Variants in CHDH observed in about 807,000 individuals in gnomAD.
CHDH encodes choline dehydrogenase, also known as choline dehydrogenase, mitochondrial.
Under a neutral mutation model 56.9 loss-of-function variants are expected in CHDH, and 43 were observed. The observed-to-expected ratio is 0.76, with a 90% CI of 0.59 to 0.97. The LOEUF is 0.97. CHDH is among the 50% of genes least tolerant of loss of function. CHDH has a pLI of 0.00. For synonymous variants in CHDH, 364 were observed against 348.5 expected (o/e 1.04, Z -0.50); for missense variants, 816 against 821.1 (o/e 0.99, Z 0.08).
At position 53,823,794 on chromosome 3, in the gene CHDH, G is replaced by T; in HGVS notation, c.215C>A (p.Ala72Asp). The part of the protein sequence containing the change: ...DPAERVLLLE[A>D]GPKDVLAGSK... ...CCCCGCGAGCACGTCCTTGGGCCCG[G>T]CCTCCAGCAGCAGCACGCGCTCGGC... The change falls in exon 3 of 9, where the codon GCC becomes GAC. Residue 72 changes from alanine (A) to aspartate (D), a missense_variant. Coordinates refer to ENST00000315251, the MANE Select transcript of CHDH (RefSeq NM_018397.5). 1.3e-6 allele frequency: 2 copies of T among 1,578,038 alleles called. No homozygotes were observed. The highest frequency in any genetic ancestry group is 2.3e-5 in the East Asian group (1 of 42,792).
Position 53,835,382 on chromosome 3 carries a change from G to A in CHDH, c.-60+5547C>T, listed in dbSNP as rs115930025. ...AGTTACTTTACAGCCCTGAATCTTG[G>A]CACCCTGAAGTCAGCACTGCCCCAG... On this transcript the variant is annotated intron_variant, in intron 2 of 8. Transcript: ENST00000315251. Among the ~76,000 whole-genome samples the A allele has an allele frequency of 1.2e-3, 185 of 152,324 alleles. 1 individual carries two copies. Among genetic ancestry groups the A allele is most frequent in the African/African-American group, 4.2e-3 (175 of 41,564 alleles).
In CHDH at chr3:53,820,469, C is replaced by T; in HGVS notation, c.1120+5G>A. 6.2e-7 allele frequency: 1 copy of T among 1,608,604 alleles called. No individual in the cohort carries two copies. On this transcript the variant is annotated splice_donor_5th_base_variant and intron_variant, in intron 6 of 8. Coordinates refer to ENST00000315251, the MANE Select transcript of CHDH (RefSeq NM_018397.5). ...TCCTCCCAGGTTACTGGTAAGCGTG[C>T]TCACCTGTGAATTTCCAGAGCCACT...
At chr3:53,838,522 C>T (rs546378452) in intron 2 of CHDH, among the ~76,000 whole-genome samples, 278 of 152,258 alleles carry the variant, frequency 1.8e-3, no homozygotes, top group Non-Finnish European at 3.1e-3. Context: ...AGAGGCAGAC[C>T]GAGGGGATAG....
intron 2 of CHDH, among the ~76,000 whole-genome samples, chr3:53,838,467 C>T (rs1315749206): frequency 6.6e-6 from 1 of 152,084 alleles, no homozygotes; most frequent in Admixed American, 6.5e-5. Flanking sequence ...CAGAGGGCCT[C>T]GGGTGAAAGT....
At chr3:53,828,857 A>G (rs79304253) in intron 2 of CHDH, among the ~76,000 whole-genome samples, 8,254 of 152,290 alleles carry the variant, frequency 0.054, 630 homozygotes, top group African/African-American at 0.16. Context: ...GTAAAAATCA[A>G]CACACTCTTA....
In CHDH at chr3:53,815,356, A is replaced by G. The variant is rs2095613986; in HGVS notation, c.*2421T>C. The G allele has an allele frequency of 1.3e-5, 2 of 152,242 alleles. No homozygotes were observed. Among genetic ancestry groups the G allele is most frequent in the African/African-American group, 4.8e-5 (2 of 41,452 alleles). The allele number at this position is 152,242 out of a possible 1,614,324, so 9.4% of individuals were successfully genotyped here. ...CCTCTGTGCACCCCACTTTGTAGCA[A>G]GTGCCTTTCTCCCCCATGCTGGCTT... On this transcript the variant is annotated 3_prime_UTR_variant, in exon 9 of 9. Coordinates refer to ENST00000315251, the MANE Select transcript of CHDH (RefSeq NM_018397.5).
At position 53,816,644 on chromosome 3, in the gene CHDH, TGA is replaced by T; in HGVS notation, c.*1131_*1132del. 1 of 152,274 alleles carries T rather than the reference TGA, an allele frequency of 6.6e-6. No individual in the cohort carries two copies. The highest frequency in any genetic ancestry group is 1.9e-4 in the East Asian group (1 of 5,178). The allele number at this position is 152,274 out of a possible 1,614,324, so 9.4% of individuals were successfully genotyped here. ...GCCAAGTCATTTCCCAAGACCAGTA[TGA>T]GAGAGTCCTTTCTCGGGCTAGCTGC... On this transcript the variant is annotated 3_prime_UTR_variant, in exon 9 of 9. Coordinates refer to ENST00000315251, the MANE Select transcript of CHDH (RefSeq NM_018397.5).
At chr3:53,843,756 G>A (rs1184226470) in intron 1 of CHDH, among the ~76,000 whole-genome samples, 2 of 152,212 alleles carry the variant, frequency 1.3e-5, no homozygotes, top group East Asian at 1.9e-4. Flanking sequence ...TATGACTGAA[G>A]GGAGAAGGTC....
intron 8 of CHDH, 104 bp downstream of exon 8, chr3:53,818,834 G>C: frequency 1.2e-6 from 1 of 806,596 alleles, no homozygotes; most frequent in Non-Finnish European, 2.2e-6. Flanking sequence ...AGGGTCACTT[G>C]TGTCCTAGAA....
chr3:53,818,236 C>G (rs746203075), intron 8 of CHDH, 41 bp from the exon 9 acceptor site: 55 of 1,518,172 alleles, frequency 3.6e-5, no homozygotes, highest in Admixed American at 6.2e-5. Context: ...CTCCTTTTGC[C>G]CGTGCTGGCC....
At chr3:53,845,774 G>C (rs1018482614) in intron 1 of CHDH, among the ~76,000 whole-genome samples, 2 of 152,232 alleles carry the variant, frequency 1.3e-5, no homozygotes, top group Non-Finnish European at 2.9e-5. Context: ...CGCTTTGGGA[G>C]CCCCAGGTGT....
chr3:53,828,314 G>A (rs1196512504), intron 2 of CHDH, among the ~76,000 whole-genome samples: 2 of 151,992 alleles, frequency 1.3e-5, no homozygotes, highest in Admixed American at 6.5e-5. Flanking sequence ...ACAGGAGAAA[G>A]AACCTCTAGA....
At chr3:53,832,418 G>A (rs1284855883) in intron 2 of CHDH, among the ~76,000 whole-genome samples, 1 of 152,154 alleles carries the variant, frequency 6.6e-6, no homozygotes, top group Non-Finnish European at 1.5e-5. Flanking sequence ...TATAATCCCA[G>A]CTACTTGGGA....
In CHDH at chr3:53,823,804, G is replaced by T; in HGVS notation, c.205C>A (p.Leu69Met). The T allele has an allele frequency of 6.3e-7, 1 of 1,582,476 alleles. No individual in the cohort carries two copies. ...ACGTCCTTGGGCCCGGCCTCCAGCA[G>T]CAGCACGCGCTCGGCGGGGTCCTCC... ...LTEDPAERVL[L>M]LEAGPKDVLA... Residue 69 changes from leucine to methionine, a missense_variant, in exon 3 of 9, where the codon CTG (leucine) becomes ATG (methionine). Coordinates refer to ENST00000315251, the MANE Select transcript of CHDH (RefSeq NM_018397.5).
rs1445762433 is a variant in CHDH, at chr3:53,813,725, T to TAAGA, written c.*4048_*4051dup. ...TCATCGAATATTAAATTTTTCTTTG[T>TAAGA]AAGAAAAATTTGAAGTTGTAGAGCA... On this transcript the variant is annotated 3_prime_UTR_variant, in exon 9 of 9. Coordinates refer to ENST00000315251, the MANE Select transcript of CHDH (RefSeq NM_018397.5). The TAAGA allele has an allele frequency of 2.0e-5, 3 of 152,242 alleles. No individual in the cohort carries two copies. Among genetic ancestry groups the TAAGA allele is most frequent in the African/African-American group, 4.8e-5 (2 of 41,458 alleles). The allele number at this position is 152,242 out of a possible 1,614,324, so 9.4% of individuals were successfully genotyped here. A position where few individuals can be genotyped will look rare whatever the true frequency, so the allele number is the denominator to read the frequency against.
intron 4 of CHDH, 92 bp downstream of exon 4, chr3:53,822,399 G>T (rs1300348275): frequency 8.1e-7 from 1 of 1,233,938 alleles, no homozygotes; most frequent in African/African-American, 1.5e-5. Flanking sequence ...GTGGGTCTGG[G>T]GGTGAGGGCG....
rs1368639872 is a variant in CHDH, at chr3:53,817,137, G to C, written c.*640C>G. On this transcript the variant is annotated 3_prime_UTR_variant, in exon 9 of 9. Transcript: ENST00000315251. ...CCTGCACCTGGCCCTGGTTTAATAA[G>C]AACCAGAGCCACAACCCTCTCAGAG... 1 of 152,536 alleles carries C rather than the reference G, an allele frequency of 6.6e-6. No homozygotes were observed. The highest frequency in any genetic ancestry group is 1.5e-5 in the Non-Finnish European group (1 of 68,384). The allele number at this position is 152,536 out of a possible 1,614,324, so 9.4% of individuals were successfully genotyped here.
intron 8 of CHDH, among the ~76,000 whole-genome samples, chr3:53,818,401 C>A (rs1019710247): frequency 2.0e-5 from 3 of 152,204 alleles, no homozygotes; most frequent in African/African-American, 7.2e-5. Flanking sequence ...AAGGTAGCAT[C>A]CTACACGGAC....
chr3:53,842,370 C>T (rs1698699475), intron 1 of CHDH, among the ~76,000 whole-genome samples: 1 of 152,126 alleles, frequency 6.6e-6, no homozygotes, highest in South Asian at 2.1e-4. Context: ...GTTGCATGTG[C>T]CCAACATACG....
Sources: gnomAD v4.1 joint callset for allele counts (sites outside exome capture counted in the v4.1 genomes callset) on GRCh38, gnomAD v4.1.1 for gene constraint, MANE v1.5 for transcripts, NCBI Gene and HGNC (gene_info 2026-07-23, HGNC 2026-07-21) for gene names.